Variants in NPAP1 observed in about 807,000 individuals in gnomAD.
NPAP1 encodes the protein nuclear pore-associated protein 1.
For synonymous variants in NPAP1, 616 were observed against 581.4 expected (o/e 1.06, Z -0.86); for missense variants, 1,483 against 1,454.5 (o/e 1.02, Z -0.32).
Position 24,677,925 on chromosome 15 carries a change from T to C in NPAP1, c.2058T>C (p.Ser686=), listed in dbSNP as rs2141311440. 1 of 1,613,690 alleles carries C rather than the reference T, an allele frequency of 6.2e-7. No homozygotes were observed. Among genetic ancestry groups the C allele is most frequent in the Non-Finnish European group, 8.5e-7 (1 of 1,179,952 alleles). ...PDTSTLVNSA[S]TASSSKPPIE... ...CCTCCACTTTAGTGAACAGTGCCTC[T>C]ACAGCATCATCATCCAAACCTCCCA... The change falls in exon 1 of 1, where the codon TCT becomes TCC. Residue 686 remains serine, a synonymous_variant. Transcript: ENST00000329468.
Position 24,678,338 on chromosome 15 carries a change from ACATGAATAC to A in NPAP1, c.2474_2482del (p.Met825_Thr827del). On this transcript the variant is annotated inframe_deletion, in exon 1 of 1. Transcript: ENST00000329468. ...TCCAAGCCTGCCATTGACACCAGTG[ACATGAATAC>A]CACCCCTCCTTCCAAAACTGTCATC... The A allele has an allele frequency of 6.2e-7, 1 of 1,613,234 alleles. No individual in the cohort carries two copies. The highest frequency in any genetic ancestry group is 8.5e-7 in the Non-Finnish European group (1 of 1,179,818).
rs2141308818 is a variant in NPAP1, at chr15:24,676,784, A to C, written c.917A>C (p.Lys306Thr). 1 of 1,613,576 alleles carries C rather than the reference A, an allele frequency of 6.2e-7. No homozygotes were observed. The highest frequency in any genetic ancestry group is 8.5e-7 in the Non-Finnish European group (1 of 1,179,952). Residue 306 changes from lysine to threonine, a missense_variant, in exon 1 of 1, where the codon AAG (lysine) becomes ACG (threonine). By Grantham distance (78) the Lys-to-Thr change is moderately conservative. Transcript: ENST00000329468. ...LMSGKRMPDE[K>T]PFCIPPRSAA... ...TCCGGAAAGAGGATGCCTGATGAGA[A>C]GCCTTTCTGTATTCCTCCAAGGAGC...
In NPAP1 at chr15:24,676,819, C is replaced by G. The variant is rs2141308896; in HGVS notation, c.952C>G (p.Pro318Ala). 1 of 1,612,992 alleles carries G rather than the reference C, an allele frequency of 6.2e-7. No individual in the cohort carries two copies. Among genetic ancestry groups the G allele is most frequent in the Non-Finnish European group, 8.5e-7 (1 of 1,179,964 alleles). Residue 318 changes from proline to alanine, a missense_variant, in exon 1 of 1, where the codon CCC becomes GCC. Pro to Ala is a conservative substitution (Grantham distance 27). Transcript: ENST00000329468. ...FCIPPRSAAPPRAARNRPCKR... is the reference protein window; with the variant it reads ...FCIPPRSAAPARAARNRPCKR... ...TATTCCTCCAAGGAGCGCTGCTCCT[C>G]CCAGAGCTGCCCGCAACAGGCCCTG...
Position 24,676,728 on chromosome 15 carries a change from C to T in NPAP1, c.861C>T (p.Pro287=), listed in dbSNP as rs2141308652. Reference sequence around the variant, plus strand: ...AAGTGCTGAATGAAGAGCCACCGCCCAGCTCCCTAGGCTTGCCGATTCCGC... The same window carrying T: ...AAGTGCTGAATGAAGAGCCACCGCCTAGCTCCCTAGGCTTGCCGATTCCGC... ...AAEVLNEEPP[P]SSLGLPIPLM... The change falls in exon 1 of 1, where the codon CCC becomes CCT. Residue 287 remains proline, a synonymous_variant. Transcript: ENST00000329468. 1 of 1,614,024 alleles carries T rather than the reference C, an allele frequency of 6.2e-7. No homozygotes were observed. Among genetic ancestry groups the T allele is most frequent in the Non-Finnish European group, 8.5e-7 (1 of 1,180,038 alleles).
Position 24,678,065 on chromosome 15 carries a change from C to T in NPAP1, c.2198C>T (p.Thr733Ile), listed in dbSNP as rs2141311755. ...FYLGLPGSGN[T>I]QPSGNTASVQ... ...CTGGGGCTTCCTGGTTCTGGGAACA[C>T]ACAACCCAGCGGCAACACTGCCTCA... Residue 733 changes from threonine to isoleucine, a missense_variant, in exon 1 of 1, where the codon ACA (threonine) becomes ATA (isoleucine). By Grantham distance (89) the Thr-to-Ile change is moderately conservative. Transcript: ENST00000329468. The T allele has an allele frequency of 6.2e-7, 1 of 1,613,920 alleles. No individual in the cohort carries two copies. Among genetic ancestry groups the T allele is most frequent in the Non-Finnish European group, 8.5e-7 (1 of 1,179,980 alleles).
rs572702818 is a variant in NPAP1 at position 24,681,655 on chromosome 15, C to A, written c.*2317C>A. The A allele has an allele frequency of 6.0e-6, 1 of 167,140 alleles. No individual in the cohort carries two copies. The highest frequency in any genetic ancestry group is 2.1e-4 in the South Asian group (1 of 4,824). The allele number at this position is 167,140 out of a possible 1,614,324, so 10.4% of individuals were successfully genotyped here. On this transcript the variant is annotated 3_prime_UTR_variant, in exon 1 of 1. Coordinates refer to ENST00000329468, the MANE Select transcript of NPAP1 (RefSeq NM_018958.3). ...CCAGGAAAAGAGTCCTCACAAGAAA[C>A]AGAATTTGTCTTTATCTTGGACTTC... is the stretch of plus-strand genomic sequence containing the variant.
In NPAP1 at chr15:24,677,614, C is replaced by T. The variant is rs200235231; in HGVS notation, c.1747C>T (p.Pro583Ser). The T allele has an allele frequency of 1.2e-6, 2 of 1,614,132 alleles. No homozygotes were observed. The highest frequency in any genetic ancestry group is 1.3e-5 in the African/African-American group (1 of 75,028). The change falls in exon 1 of 1, where the codon CCA (proline) becomes TCA (serine). Residue 583 changes from proline (P) to serine (S), a missense_variant. Physicochemically the swap from Pro to Ser is moderately conservative, Grantham distance 74. Coordinates refer to ENST00000329468, the MANE Select transcript of NPAP1 (RefSeq NM_018958.3). ...AGTAGTTAATATGGATACTACTGCC[C>T]CATCTCAGGTTGTTATTTTCACATC... ...PEVVNMDTTA[P>S]SQVVIFTSSL...
At chr15:24,676,135 TG>T in the NPAP1 span, 2 of 1,575,318 alleles carry the variant, frequency 1.3e-6, no homozygotes, top group Non-Finnish European at 8.6e-7. Flanking sequence ...GGCTGTGGGT[TG>T]GGGGCTGGCC....
rs2049028792 is a variant in NPAP1, at chr15:24,683,304, C to G, written c.*3966C>G. 6.0e-6 allele frequency: 1 copy of G among 167,120 alleles called. No individual in the cohort carries two copies. Among genetic ancestry groups the G allele is most frequent in the Non-Finnish European group, 1.5e-5 (1 of 68,352 alleles). The allele number at this position is 167,120 out of a possible 1,614,324, so 10.4% of individuals were successfully genotyped here. On this transcript the variant is annotated 3_prime_UTR_variant, in exon 1 of 1. Coordinates refer to ENST00000329468, the MANE Select transcript of NPAP1 (RefSeq NM_018958.3). The stretch of plus-strand genomic sequence containing the variant: ...GTGGACGCGTCAGGTTATAAATGAC[C>G]CTGTCTCCTTTGTTCGGTGTACTCT...
rs35022251 is a variant in NPAP1, at chr15:24,675,968, C to T, written c.101C>T (p.Pro34Leu). The T allele has an allele frequency of 1.1e-5, 18 of 1,592,688 alleles. No homozygotes were observed. In the East Asian group the frequency reaches 3.0e-4, roughly 27 times the overall value. ...APAPLSRDAS[P>L]PGRAHSVPTP... ...GCTCCCCTGTCCCGGGACGCCTCCC[C>T]GCCCGGTCGGGCTCACTCTGTACCC... The change falls in exon 1 of 1, where the codon CCG becomes CTG. Residue 34 changes from proline to leucine, a missense_variant. Coordinates refer to ENST00000329468, the MANE Select transcript of NPAP1 (RefSeq NM_018958.3).
At position 24,677,845 on chromosome 15, in the gene NPAP1, T is replaced by G; in HGVS notation, c.1978T>G (p.Ser660Ala). Residue 660 changes from serine (S) to alanine (A), a missense_variant, in exon 1 of 1, where the codon TCT becomes GCT. Ser to Ala is a moderately conservative substitution (Grantham distance 99). Coordinates refer to ENST00000329468, the MANE Select transcript of NPAP1 (RefSeq NM_018958.3). Reference sequence around the variant, plus strand: ...TCCTGATGGGCAGCCGCAGAAAGCTTCTCTCCCCAGTGCCTGTGTTTTCCT... The same window carrying G: ...TCCTGATGGGCAGCCGCAGAAAGCTGCTCTCCCCAGTGCCTGTGTTTTCCT... Reference protein sequence around the residue: ...EAPDGQPQKASLPSACVFLSL... With the variant: ...EAPDGQPQKAALPSACVFLSL... 1 of 1,613,580 alleles carries G rather than the reference T, an allele frequency of 6.2e-7. No individual in the cohort carries two copies. Among genetic ancestry groups the G allele is most frequent in the Non-Finnish European group, 8.5e-7 (1 of 1,179,918 alleles).
Position 24,677,187 on chromosome 15 carries a change from T to C in NPAP1, c.1320T>C (p.Pro440=), listed in dbSNP as rs2141309805. 1 of 1,614,070 alleles carries C rather than the reference T, an allele frequency of 6.2e-7. No homozygotes were observed. The change falls in exon 1 of 1, where the codon CCT becomes CCC. Residue 440 remains proline (P), a synonymous_variant. Transcript: ENST00000329468. ...TGGCTACTGGACCCCTCATCCTGCC[T>C]ATCCCTCCACTTTCCACCACACCAA... ...ADLATGPLIL[P]IPPLSTTPKM...
rs1555368450 is a variant in NPAP1, at chr15:24,681,816, T to TAGATAGATAGATAGATA, written c.*2478_*2479insAGATAGATAGATAGATA. On this transcript the variant is annotated 3_prime_UTR_variant, in exon 1 of 1. Coordinates refer to ENST00000329468, the MANE Select transcript of NPAP1 (RefSeq NM_018958.3). ...TACATAGATAGATGATAGAGATAGA[T>TAGATAGATAGATAGATA]GATAGATAGATAGATAGATAGATAG... The TAGATAGATAGATAGATA allele has an allele frequency of 6.1e-6, 1 of 164,848 alleles. No individual in the cohort carries two copies. Among genetic ancestry groups the TAGATAGATAGATAGATA allele is most frequent in the Non-Finnish European group, 1.5e-5 (1 of 67,908 alleles). The allele number at this position is 164,848 out of a possible 1,614,324, so 10.2% of individuals were successfully genotyped here. A position where few individuals can be genotyped will look rare whatever the true frequency, so the allele number is the denominator to read the frequency against.
At position 24,675,895 on chromosome 15, in the gene NPAP1, C is replaced by T. The variant is rs777439283; in HGVS notation, c.28C>T (p.Pro10Ser). The T allele has an allele frequency of 1.9e-6, 3 of 1,576,620 alleles. No homozygotes were observed. The highest frequency in any genetic ancestry group is 1.8e-5 in the Admixed American group (1 of 54,112). MGNLLSKFR[P>S]GCRRRPLPGP... Reference sequence around the variant, plus strand: ...GGGCAATTTACTTAGTAAATTTAGACCCGGGTGCCGCCGCCGGCCCCTGCC... The same window carrying T: ...GGGCAATTTACTTAGTAAATTTAGATCCGGGTGCCGCCGCCGGCCCCTGCC... The change falls in exon 1 of 1, where the codon CCC (proline) becomes TCC (serine). Residue 10 changes from proline (P) to serine (S), a missense_variant. Transcript: ENST00000329468.
At position 24,679,854 on chromosome 15, in the gene NPAP1, G is replaced by A. The variant is rs141204323; in HGVS notation, c.*516G>A. The A allele has an allele frequency of 1.5e-3, 267 of 175,622 alleles. No homozygotes were observed. Among genetic ancestry groups the A allele is most frequent in the African/African-American group, 6.2e-3 (257 of 41,604 alleles). 10.9% of individuals were successfully genotyped at this position (175,622 alleles called of 1,614,324 possible). ...GCCCACCTGGCTAAATGCAGGTGGT[G>A]CAATAGGAGATAGCCCCAGATATTT... On this transcript the variant is annotated 3_prime_UTR_variant, in exon 1 of 1. Transcript: ENST00000329468.
Position 24,676,511 on chromosome 15 carries a change from A to G in NPAP1, c.644A>G (p.Lys215Arg), listed in dbSNP as rs1040939821. Residue 215 changes from lysine to arginine, a missense_variant, in exon 1 of 1, where the codon AAG becomes AGG. By Grantham distance (26) the Lys-to-Arg change is conservative (BLOSUM62 2). Coordinates refer to ENST00000329468, the MANE Select transcript of NPAP1 (RefSeq NM_018958.3). Reference protein sequence around the residue: ...PGPLEGNVYHKFSENSMSEKA... With the variant: ...PGPLEGNVYHRFSENSMSEKA... ...CCTCTGGAGGGAAATGTCTACCACA[A>G]GTTCTCAGAAAACAGCATGAGTGAG... is the stretch of plus-strand genomic sequence containing the variant. The G allele has an allele frequency of 7.4e-6, 12 of 1,613,986 alleles. No homozygotes were observed. The highest frequency in any genetic ancestry group is 1.3e-5 in the African/African-American group (1 of 74,910).
Position 24,676,727 on chromosome 15 carries a change from C to A in NPAP1, c.860C>A (p.Pro287His), listed in dbSNP as rs2141308651. The A allele has an allele frequency of 1.9e-6, 3 of 1,614,016 alleles. No individual in the cohort carries two copies. The highest frequency in any genetic ancestry group is 2.5e-6 in the Non-Finnish European group (3 of 1,180,046). ...GAAGTGCTGAATGAAGAGCCACCGC[C>A]CAGCTCCCTAGGCTTGCCGATTCCG... ...AAEVLNEEPP[P>H]SSLGLPIPLM... The change falls in exon 1 of 1, where the codon CCC becomes CAC. Residue 287 changes from proline (P) to histidine (H), a missense_variant. By Grantham distance (77) the Pro-to-His change is moderately conservative. Coordinates refer to ENST00000329468, the MANE Select transcript of NPAP1 (RefSeq NM_018958.3).
chr15:24,678,759 C>G lies in NPAP1; in HGVS notation c.2892C>G (p.Val964=), dbSNP rs369566519. The G allele has an allele frequency of 4.3e-6, 7 of 1,614,180 alleles. No homozygotes were observed. In the African/African-American group the frequency reaches 8.0e-5, roughly 18 times the overall value. ...GCACACCTGTTAATGCTGAGCCAGT[C>G]GAGGGTCACAATGCAAGTGCTTTCC... ...ALGTPVNAEP[V]EGHNASAFPN... is the part of the protein sequence containing the mutation. Residue 964 remains valine (V), a synonymous_variant, in exon 1 of 1, where the codon GTC becomes GTG. Coordinates refer to ENST00000329468, the MANE Select transcript of NPAP1 (RefSeq NM_018958.3).
rs1335110585 is a variant in NPAP1, at chr15:24,678,405, G to A, written c.2538G>A (p.Glu846=). 1.9e-6 allele frequency: 3 copies of A among 1,613,956 alleles called. No homozygotes were observed. The highest frequency in any genetic ancestry group is 2.5e-6 in the Non-Finnish European group (3 of 1,180,006). The change falls in exon 1 of 1, where the codon GAG becomes GAA. Residue 846 remains glutamate, a synonymous_variant. Coordinates refer to ENST00000329468, the MANE Select transcript of NPAP1 (RefSeq NM_018958.3). ...CTACCTTTGTCTCCAGGAAGGAGGA[G>A]TACATCCGATTTTATATGGGGCTTC... ...LQSTFVSRKE[E]YIRFYMGLPG...
Sources: allele counts gnomAD v4.1 joint callset, GRCh38; gene constraint gnomAD v4.1.1; transcripts MANE v1.5; gene names NCBI Gene and HGNC (gene_info 2026-07-23, HGNC 2026-07-21).